The following BRD10 variants were observed in gnomAD, a reference collection of about 807,000 sequenced individuals.
BRD10 encodes uncharacterized bromodomain-containing protein 10.
chr9:5,974,582 A>G, the BRD10 span, among the ~76,000 whole-genome samples: 1 of 152,184 alleles, frequency 6.6e-6, no homozygotes, highest in Non-Finnish European at 1.5e-5. Flanking sequence ...GCTAAGGCCC[A>G]GCAGACTCCC....
the BRD10 span, among the ~76,000 whole-genome samples, chr9:5,943,582 G>C: frequency 1.3e-5 from 2 of 148,650 alleles, no homozygotes; most frequent in Non-Finnish European, 3.0e-5. Context: ...CAGAGTAAAT[G>C]ACATTTACAT....
chr9:5,911,991 T>G, the BRD10 span, among the ~76,000 whole-genome samples: 1 of 152,244 alleles, frequency 6.6e-6, no homozygotes, highest in African/African-American at 2.4e-5. Flanking sequence ...CATGGATGTT[T>G]TAACAATAAT....
chr9:5,924,332 T>C, the BRD10 span, among the ~76,000 whole-genome samples: 1 of 151,960 alleles, frequency 6.6e-6, no homozygotes, highest in Non-Finnish European at 1.5e-5. Flanking sequence ...TTGCCCAGTC[T>C]AGAAAGCAGT....
the BRD10 span, chr9:5,920,862 T>C: frequency 3.1e-6 from 5 of 1,614,012 alleles, no homozygotes; most frequent in African/African-American, 1.3e-5. Flanking sequence ...GTTTTCACAG[T>C]TGATATAGCC....
At chr9:5,910,157 G>A in the BRD10 span, 1 of 152,152 alleles carries the variant, frequency 6.6e-6, no homozygotes, top group Non-Finnish European at 1.5e-5. Flanking sequence ...GACATAACTG[G>A]AAGGCTTACA....
chr9:5,908,923 T>A, the BRD10 span: 4 of 546,580 alleles, frequency 7.3e-6, no homozygotes, highest in Admixed American at 1.3e-4. Flanking sequence ...ACTCCATCAA[T>A]AAATGTTGCA....
the BRD10 span, among the ~76,000 whole-genome samples, chr9:5,880,985 G>A: frequency 6.6e-6 from 1 of 152,132 alleles, no homozygotes; most frequent in Admixed American, 6.5e-5. Context: ...TTACAGGCAT[G>A]AGCCACCACG....
the BRD10 span, among the ~76,000 whole-genome samples, chr9:6,007,018 C>T: frequency 6.6e-6 from 1 of 152,232 alleles, no homozygotes; most frequent in African/African-American, 2.4e-5. Flanking sequence ...GTTCGGCCCA[C>T]ACCCACCACA....
the BRD10 span, chr9:5,881,509 C>T: frequency 6.6e-6 from 1 of 152,190 alleles, no homozygotes; most frequent in Non-Finnish European, 1.5e-5. Context: ...GCTTGGAGAC[C>T]AGGGATGTCC....
chr9:5,904,313 G>C, the BRD10 span, among the ~76,000 whole-genome samples: 1 of 152,180 alleles, frequency 6.6e-6, no homozygotes, highest in African/African-American at 2.4e-5. Flanking sequence ...AGTAGTTATT[G>C]ATATAGTTGG....
At chr9:5,903,141 C>G in the BRD10 span, among the ~76,000 whole-genome samples, 2 of 152,124 alleles carry the variant, frequency 1.3e-5, no homozygotes, top group Non-Finnish European at 2.9e-5. Context: ...TTTCAGTTAT[C>G]TTTCTGTATT....
the BRD10 span, among the ~76,000 whole-genome samples, chr9:5,997,020 A>G: frequency 3.9e-5 from 6 of 152,340 alleles, no homozygotes; most frequent in Admixed American, 3.9e-4. Context: ...TCTCCTAAGC[A>G]TTGATGAGGC....
At chr9:5,912,166 T>C in the BRD10 span, among the ~76,000 whole-genome samples, 3 of 152,246 alleles carry the variant, frequency 2.0e-5, no homozygotes, top group African/African-American at 4.8e-5. Context: ...TTTCTTGATT[T>C]TTCAGGTTGT....
chr9:5,979,331 T>C, the BRD10 span, among the ~76,000 whole-genome samples: 3 of 152,030 alleles, frequency 2.0e-5, no homozygotes, highest in African/African-American at 2.4e-5. Flanking sequence ...CTGGGAAATA[T>C]AGTGAGACCT....
At chr9:6,007,385 G>C in the BRD10 span, 1 of 1,611,540 alleles carries the variant, frequency 6.2e-7, no homozygotes, top group Non-Finnish European at 8.5e-7. Flanking sequence ...CACATGCCCT[G>C]TCCGGGCTGC....
the BRD10 span, among the ~76,000 whole-genome samples, chr9:6,004,455 T>C: frequency 6.6e-6 from 1 of 152,212 alleles, no homozygotes. Context: ...TCCAGGGTAC[T>C]AATGCTATTG....
the BRD10 span, among the ~76,000 whole-genome samples, chr9:5,983,400 A>C: frequency 6.6e-6 from 1 of 152,224 alleles, no homozygotes; most frequent in Admixed American, 6.5e-5. Context: ...TCAACAAAGC[A>C]ATGTTCACAA....
the BRD10 span, among the ~76,000 whole-genome samples, chr9:6,006,967 C>T: frequency 2.6e-5 from 4 of 152,242 alleles, no homozygotes; most frequent in South Asian, 6.2e-4. Context: ...CTCTTCAGCG[C>T]TGCAGACTCG....
chr9:5,908,966 T>G, the BRD10 span: 15 of 411,718 alleles, frequency 3.6e-5, no homozygotes, highest in Non-Finnish European at 3.5e-5. Context: ...GAGGTAATGT[T>G]AGTAAATCCA....
Sources: gnomAD v4.1 joint callset for allele counts (sites outside exome capture counted in the v4.1 genomes callset) on GRCh38, gnomAD v4.1.1 for gene constraint, MANE v1.5 for transcripts, NCBI Gene and HGNC (gene_info 2026-07-23, HGNC 2026-07-21) for gene names.